SPTAN1: variants seen among roughly 807,000 people sequenced by gnomAD.
SPTAN1 encodes spectrin alpha, non-erythrocytic 1, also known as spectrin alpha chain, non-erythrocytic 1.
A neutral mutation model predicts 331.3 loss-of-function variants in SPTAN1; 61 were observed. The observed-to-expected ratio is 0.18, with a 90% confidence interval of 0.15 to 0.23. The LOEUF (loss-of-function observed/expected upper bound fraction) is 0.23, where lower values mean the gene tolerates loss of function less well. Among genes scored for constraint, SPTAN1 ranks in the 10% least tolerant of loss-of-function variants. The pLI is 1.00. For missense variants in SPTAN1, 2,043 were observed against 3,147.9 expected (o/e 0.65, Z 8.40); for synonymous variants, 1,153 against 1,173.9 (o/e 0.98, Z 0.36).
chr9:128,616,489 G>A (rs889132985), intron 41 of SPTAN1, among the ~76,000 whole-genome samples: 4 of 151,606 alleles, frequency 2.6e-5, no homozygotes, highest in Admixed American at 6.6e-5. Flanking sequence ...GTTTGTGGCC[G>A]GGCGCAGTGG....
intron 48 of SPTAN1, 181 bp downstream of exon 48, chr9:128,626,159 G>T: frequency 1.2e-6 from 1 of 865,776 alleles, no homozygotes; most frequent in South Asian, 1.6e-5. Flanking sequence ...CTGTGAGATC[G>T]CCATTCAGAA....
intron 1 of SPTAN1, among the ~76,000 whole-genome samples, chr9:128,565,574 T>A (rs1849927988): frequency 6.6e-6 from 1 of 152,208 alleles, no homozygotes; most frequent in Non-Finnish European, 1.5e-5. Context: ...CTTGAATCCC[T>A]ACAGAGCTGG....
At chr9:128,581,959 A>G (rs1444976582) in intron 12 of SPTAN1, 67 bp downstream of exon 12, 7 of 1,187,254 alleles carry the variant, frequency 5.9e-6, no homozygotes, top group African/African-American at 4.5e-5. Flanking sequence ...TTTCCCTGGA[A>G]GGATTCCAAA....
chr9:128,612,307 G>A, intron 39 of SPTAN1, 61 bp downstream of exon 39: 4 of 1,609,796 alleles, frequency 2.5e-6, no homozygotes, highest in Non-Finnish European at 3.4e-6. Context: ...GGCACAGTGG[G>A]TCCATCAGTG....
At chr9:128,587,780 C>T in intron 20 of SPTAN1, 82 bp downstream of exon 20, 1 of 1,052,292 alleles carries the variant, frequency 9.5e-7, no homozygotes, top group Admixed American at 1.8e-5. Context: ...CTATCATAGG[C>T]CCCATTTGAC....
At chr9:128,592,820 T>A (rs1046499350) in intron 22 of SPTAN1, among the ~76,000 whole-genome samples, 163 bp from the exon 23 acceptor site, 1 of 152,226 alleles carries the variant, frequency 6.6e-6, no homozygotes, top group Non-Finnish European at 1.5e-5. Flanking sequence ...TTTACTGTCA[T>A]GTCACTCATG....
At chr9:128,572,364 A>G (rs1305490875) in intron 3 of SPTAN1, among the ~76,000 whole-genome samples, 2 of 152,202 alleles carry the variant, frequency 1.3e-5, no homozygotes, top group Non-Finnish European at 2.9e-5. Flanking sequence ...TCACGCTCTC[A>G]AATAATAGTA....
chr9:128,598,727 C>T (rs546225589), intron 25 of SPTAN1: 55 of 639,872 alleles, frequency 8.6e-5, no homozygotes, highest in African/African-American at 3.7e-4. Context: ...CTGTCTTCTC[C>T]GTAAGCTCAT....
chr9:128,577,051 A>G lies in SPTAN1; in HGVS notation c.786-78A>G. 1.2e-6 allele frequency: 2 copies of G among 1,613,904 alleles called. No individual in the cohort carries two copies. The highest frequency in any genetic ancestry group is 1.7e-6 in the Non-Finnish European group (2 of 1,179,936). On this transcript the variant is annotated intron_variant, in intron 6 of 56. Coordinates refer to ENST00000372739, the MANE Select transcript of SPTAN1 (RefSeq NM_001130438.3). This position sits in a 1 kb window ranked among gnomAD's most constrained non-coding sequence, Gnocchi z 4.2. ...TGCTGGTGAGCTGTCGAGGCTGACT[A>G]GGCCTTGGTCCCATGGGGTGTTCCT...
At chr9:128,615,981 C>T in intron 41 of SPTAN1, 141 bp downstream of exon 41, 1 of 879,902 alleles carries the variant, frequency 1.1e-6, no homozygotes, top group African/African-American at 1.7e-5. Flanking sequence ...TGGGATGCCT[C>T]AGTGTCTTCT....
Position 128,611,854 on chromosome 9 carries a change from C to A in SPTAN1, c.4905+9C>A, listed in dbSNP as rs758224715. 1 of 1,614,144 alleles carries A rather than the reference C, an allele frequency of 6.2e-7. No homozygotes were observed. Among genetic ancestry groups the A allele is most frequent in the African/African-American group, 1.3e-5 (1 of 75,034 alleles). The stretch of plus-strand genomic sequence containing the variant: ...GTGAGGATGCTGTCAAGGTATGGCC[C>A]ACCAGCTCCCGGTGCCCAGGGAGGA... On this transcript the variant is annotated intron_variant, in intron 38 of 56. Coordinates refer to ENST00000372739, the MANE Select transcript of SPTAN1 (RefSeq NM_001130438.3).
intron 53 of SPTAN1, 47 bp downstream of exon 53, chr9:128,632,370 GAA>G (rs777042103): frequency 2.5e-5 from 41 of 1,613,574 alleles, no homozygotes; most frequent in Non-Finnish European, 3.5e-5. Context: ...GCAGGGGGAG[GAA>G]AAGACACAGT....
intron 1 of SPTAN1, among the ~76,000 whole-genome samples, chr9:128,559,249 G>C (rs1423248606): frequency 6.6e-6 from 1 of 152,174 alleles, no homozygotes; most frequent in African/African-American, 2.4e-5. Flanking sequence ...GACAAAGAGG[G>C]CCTTTTAGGT....
chr9:128,604,943 T>C (rs949258217), intron 29 of SPTAN1, 91 bp from the exon 30 acceptor site: 104 of 1,282,500 alleles, frequency 8.1e-5, no homozygotes, highest in Non-Finnish European at 1.1e-4. Context: ...AGTAAATAAA[T>C]AAATAAATAA....
At chr9:128,607,458 G>T in intron 31 of SPTAN1, 146 bp from the exon 32 acceptor site, 1 of 722,496 alleles carries the variant, frequency 1.4e-6, no homozygotes. Context: ...TTAACACTTT[G>T]CCCAAAGACC....
At chr9:128,557,834 C>T (rs1371562129) in intron 1 of SPTAN1, among the ~76,000 whole-genome samples, 3 of 139,480 alleles carry the variant, frequency 2.2e-5, no homozygotes, top group Non-Finnish European at 4.5e-5. Flanking sequence ...GACGGAGTCT[C>T]GCTCTGTCGC....
intron 37 of SPTAN1, 162 bp from the exon 38 acceptor site, chr9:128,611,552 A>T: frequency 1.2e-6 from 1 of 808,474 alleles, no homozygotes; most frequent in Non-Finnish European, 2.0e-6. Flanking sequence ...GATGAACCCT[A>T]AAATATTTCA....
intron 39 of SPTAN1, among the ~76,000 whole-genome samples, chr9:128,612,629 A>C (rs956800300): frequency 5.9e-5 from 9 of 152,318 alleles, no homozygotes; most frequent in African/African-American, 2.2e-4. Flanking sequence ...CAGACTATAA[A>C]AACATAGAGG....
intron 5 of SPTAN1, 90 bp downstream of exon 5, chr9:128,575,435 A>G (rs886286743): frequency 6.8e-7 from 1 of 1,467,388 alleles, no homozygotes; most frequent in East Asian, 2.3e-5. Context: ...TTGGTCCCCT[A>G]ATTTCTGAGT....
Sources: allele counts gnomAD v4.1 joint callset (sites outside exome capture counted in the v4.1 genomes callset), GRCh38; gene constraint gnomAD v4.1.1; non-coding constraint Gnocchi (gnomAD v3.1); transcripts MANE v1.5; gene names NCBI Gene and HGNC (gene_info 2026-07-23, HGNC 2026-07-21).